DRP2: variants seen among roughly 807,000 people sequenced by gnomAD.
The protein encoded by DRP2 is dystrophin related protein 2, also known as dystrophin-related protein 2.
DRP2 carries 29 observed loss-of-function variants against 78.2 expected under a neutral mutation model. The observed-to-expected ratio is 0.37, with a 90% CI of 0.28 to 0.51. The LOEUF is 0.51. DRP2 is among the 20% of genes least tolerant of loss of function. DRP2 has a pLI of 0.94. For missense variants in DRP2, 686 were observed against 770.6 expected (o/e 0.89, Z 1.30); for synonymous variants, 290 against 281.9 (o/e 1.03, Z -0.29).
In DRP2 at chrX:101,225,899, T is replaced by C. The variant is rs1382209631; in HGVS notation, c.-64+1193T>C. Reference sequence around the variant, plus strand: ...TTATAATAATTTAATATACTTTACATATATGCTTTATGTACTTTTATAGGT... The same window carrying C: ...TTATAATAATTTAATATACTTTACACATATGCTTTATGTACTTTTATAGGT... On this transcript the variant is annotated intron_variant, in intron 2 of 23. Transcript: ENST00000395209. Among the ~76,000 whole-genome samples the C allele has an allele frequency of 6.2e-5, 7 of 112,149 alleles. No homozygotes were observed. In the East Asian group the frequency reaches 1.7e-3, roughly 27 times the overall value.
chrX:101,236,022 C>T lies in DRP2; in HGVS notation c.280C>T (p.Arg94Cys), dbSNP rs747128168. ...AATAAAAAAGAAGTCTCACAACCTCCGGTAAGAAACAGGTGCCTTAGGGAA... is the reference window on the plus strand; with the variant it reads ...AATAAAAAAGAAGTCTCACAACCTCTGGTAAGAAACAGGTGCCTTAGGGAA... Reference protein sequence around the residue: ...NEIKKKSHNLRARLEAFSDHS... With the variant: ...NEIKKKSHNLCARLEAFSDHS... Residue 94 changes from arginine (R) to cysteine (C), a missense_variant and splice_region_variant, in exon 4 of 24, where the codon CGC becomes TGC. Around this residue, in one of 2 missense-constraint regions of DRP2, gnomAD observed 263 missense variants for 239.1 expected, o/e 1.10. Transcript: ENST00000395209. The T allele has an allele frequency of 2.7e-5, 33 of 1,209,886 alleles. No individual in the cohort carries two copies. The highest frequency in any genetic ancestry group is 2.3e-4 in the Middle Eastern group (1 of 4,367).
intron 11 of DRP2, among the ~76,000 whole-genome samples, chrX:101,246,359 T>C (rs1355830329): frequency 8.9e-6 from 1 of 112,917 alleles, no homozygotes; most frequent in Admixed American, 9.4e-5. Context: ...AGACTCATCA[T>C]TATGTTTGTT....
intron 5 of DRP2, among the ~76,000 whole-genome samples, 180 bp downstream of exon 5, chrX:101,237,955 C>A (rs1398853013): frequency 8.9e-6 from 1 of 111,809 alleles, no homozygotes; most frequent in East Asian, 2.8e-4. Context: ...TCTTTCTACC[C>A]CTCCCATCAA....
At position 101,238,791 on chromosome X, in the gene DRP2, C is replaced by G. The variant is rs374879496; in HGVS notation, c.439-190C>G. 6.3e-4 allele frequency among the ~76,000 whole-genome samples: 70 copies of G among 111,383 alleles called. 1 individual carries two copies. The highest frequency in any genetic ancestry group is 2.0e-3 in the African/African-American group (61 of 30,613). Reference sequence around the variant, plus strand: ...ACAAATTTCATACTAAACAGACCTTCCAGTGTCAGAGTTATTTTTCTGTCT... The same window carrying G: ...ACAAATTTCATACTAAACAGACCTTGCAGTGTCAGAGTTATTTTTCTGTCT... On this transcript the variant is annotated intron_variant, in intron 5 of 23. Coordinates refer to ENST00000395209, the MANE Select transcript of DRP2 (RefSeq NM_001939.3).
At chrX:101,224,139 A>G (rs982613117) in intron 1 of DRP2, among the ~76,000 whole-genome samples, 21 of 85,237 alleles carry the variant, frequency 2.5e-4, no homozygotes, top group Admixed American at 2.3e-3. Context: ...AGTCTTCCCT[A>G]TCTCTTGAAT....
At chrX:101,241,201 G>A (rs1358568810) in intron 6 of DRP2, among the ~76,000 whole-genome samples, 5 of 111,929 alleles carry the variant, frequency 4.5e-5, no homozygotes, top group African/African-American at 1.6e-4. Flanking sequence ...CTGTGGTGGC[G>A]GATATATAAA....
At position 101,242,947 on chromosome X, in the gene DRP2, G is replaced by A. The variant is rs1218972051; in HGVS notation, c.1019G>A (p.Arg340Gln). ...ERLKQLQDAHRDFGPGSQHFL... is the reference protein window; with the variant it reads ...ERLKQLQDAHQDFGPGSQHFL... ...CTTAAGCAGCTCCAGGATGCCCACC[G>A]GGACTTTGGGCCTGGGTCACAGCAC... The change falls in exon 9 of 24, where the codon CGG becomes CAG. Residue 340 changes from arginine (R) to glutamine (Q), a missense_variant. Arg to Gln is a conservative substitution (Grantham distance 43). Transcript: ENST00000395209. The A allele has an allele frequency of 8.3e-6, 10 of 1,210,986 alleles. No homozygotes were observed. Among genetic ancestry groups the A allele is most frequent in the South Asian group, 1.8e-5 (1 of 56,879 alleles).
chrX:101,252,523 A>T, intron 16 of DRP2, 82 bp from the exon 17 acceptor site: 1 of 759,076 alleles, frequency 1.3e-6, no homozygotes. Flanking sequence ...CTGTGTGTGT[A>T]TATTTTAATG....
At position 101,257,429 on chromosome X, in the gene DRP2, T is replaced by TAAAA. The variant is rs57717609; in HGVS notation, c.2391-862_2391-859dup. ...AGTTTGTGACCAGTCCAAGGCAAGATAAAAAAAAAAAAAAAAAAAAAGAGA... is the reference window on the plus strand; with the variant it reads ...AGTTTGTGACCAGTCCAAGGCAAGATAAAAAAAAAAAAAAAAAAAAAAAAAGAGA... On this transcript the variant is annotated intron_variant, in intron 21 of 23. Transcript: ENST00000395209. 1.3e-3 allele frequency among the ~76,000 whole-genome samples: 66 copies of TAAAA among 51,396 alleles called. 2 individuals are homozygous for TAAAA. The highest frequency in any genetic ancestry group is 1.5e-3 in the Non-Finnish European group (40 of 27,123). The allele number at this position is 51,396 out of a possible 115,157, so 44.6% of individuals were successfully genotyped here.
chrX:101,251,078 G>A lies in DRP2; in HGVS notation c.1860G>A (p.Gly620=), dbSNP rs373720054. The A allele has an allele frequency of 1.2e-5, 15 of 1,200,263 alleles. No individual in the cohort carries two copies. The African/African-American group carries it at 1.8e-4, about 14-fold the overall frequency. The change falls in exon 16 of 24, where the codon GGG becomes GGA. Residue 620 remains glycine (G), a synonymous_variant. Transcript: ENST00000395209. Reference sequence around the variant, plus strand: ...TCTGTAGGCAGTGCCCCATCAAGGGGTTCAGGTAGGGAAAACAATACCTGC... The same window carrying A: ...TCTGTAGGCAGTGCCCCATCAAGGGATTCAGGTAGGGAAAACAATACCTGC... ...CSICRQCPIK[G]FRYRSLKQFN... is the part of the protein sequence containing the mutation.
chrX:101,256,974 A>G (rs774663655), intron 21 of DRP2, among the ~76,000 whole-genome samples: 95 of 109,097 alleles, frequency 8.7e-4, no homozygotes, highest in African/African-American at 2.9e-3. Flanking sequence ...AGACCTTTCA[A>G]TGTTGGAAGT....
In DRP2 at chrX:101,235,858, A is replaced by G. The variant is rs754681872; in HGVS notation, c.118-2A>G. 1 of 1,201,166 alleles carries G rather than the reference A, an allele frequency of 8.3e-7. No homozygotes were observed. Among genetic ancestry groups the G allele is most frequent in the East Asian group, 3.0e-5 (1 of 33,615 alleles). On this transcript the variant is annotated splice_acceptor_variant, in intron 3 of 23. Transcript: ENST00000395209. LOFTEE classifies it high-confidence loss of function. The stretch of plus-strand genomic sequence containing the variant: ...TCACAGGATGTTTGTGTTTCTGTCC[A>G]GGTTAGAGCTGCTGTCACCAGCCCT...
chrX:101,257,316 G>A (rs1432220083), intron 21 of DRP2, among the ~76,000 whole-genome samples: 2 of 107,575 alleles, frequency 1.9e-5, no homozygotes, highest in African/African-American at 6.8e-5. Flanking sequence ...TGCCCATACT[G>A]CTGTTCCACA....
intron 15 of DRP2, 21 bp downstream of exon 15, chrX:101,250,601 T>C: frequency 8.7e-7 from 1 of 1,154,377 alleles, no homozygotes; most frequent in South Asian, 2.1e-5. Flanking sequence ...AACTGGGGAG[T>C]GGGGGAGGGA....
intron 22 of DRP2, among the ~76,000 whole-genome samples, chrX:101,259,747 G>A (rs746132693): frequency 1.4e-4 from 16 of 111,703 alleles, no homozygotes; most frequent in South Asian, 3.7e-4. Flanking sequence ...ATCCGCCTGC[G>A]TCAGCCTCCC....
intron 9 of DRP2, among the ~76,000 whole-genome samples, chrX:101,243,769 G>A (rs1226888315): frequency 9.0e-6 from 1 of 111,533 alleles, no homozygotes; most frequent in Non-Finnish European, 1.9e-5. Context: ...AAGGGCTATG[G>A]ACAAAAAGCA....
At chrX:101,228,124 G>T (rs1375481274) in intron 2 of DRP2, among the ~76,000 whole-genome samples, 4 of 112,276 alleles carry the variant, frequency 3.6e-5, no homozygotes, top group Non-Finnish European at 7.5e-5. Flanking sequence ...ATTGCTAGTA[G>T]TAGTGTAAAA....
chrX:101,226,244 G>A (rs1237254124), intron 2 of DRP2, among the ~76,000 whole-genome samples: 1 of 111,867 alleles, frequency 8.9e-6, no homozygotes, highest in Non-Finnish European at 1.9e-5. Context: ...TAGTCCCCTA[G>A]TGATAGACGT....
rs1923534647 is a variant in DRP2, at chrX:101,260,966, G to A, written c.*345G>A. 1.2e-5 allele frequency: 2 copies of A among 167,407 alleles called. No homozygotes were observed. The highest frequency in any genetic ancestry group is 2.2e-5 in the Non-Finnish European group (2 of 89,645). 13.8% of individuals were successfully genotyped at this position (167,407 alleles called of 1,213,427 possible). A position where few individuals can be genotyped will look rare whatever the true frequency, so the allele number is the denominator to read the frequency against. ...CTTGCAGAGCTAAGCGGTACATGTTGGCCCCTCTTCCTTCTCCGTGGAATT... is the reference window on the plus strand; with the variant it reads ...CTTGCAGAGCTAAGCGGTACATGTTAGCCCCTCTTCCTTCTCCGTGGAATT... On this transcript the variant is annotated 3_prime_UTR_variant, in exon 24 of 24. Coordinates refer to ENST00000395209, the MANE Select transcript of DRP2 (RefSeq NM_001939.3).
Sources: gnomAD v4.1 joint callset for allele counts (sites outside exome capture counted in the v4.1 genomes callset) on GRCh38, gnomAD v4.1.1 for gene constraint, gnomAD v4.1.1 regional missense constraint, MANE v1.5 for transcripts, NCBI Gene and HGNC (gene_info 2026-07-23, HGNC 2026-07-21) for gene names.